The following PTPN3 variants were observed in gnomAD, a reference collection of about 807,000 sequenced individuals.
The protein encoded by PTPN3 is protein tyrosine phosphatase non-receptor type 3.
PTPN3 carries 96 observed loss-of-function variants against 132.7 expected under a neutral mutation model. The observed-to-expected ratio is 0.72, with a 90% CI of 0.61 to 0.86. PTPN3 has a LOEUF of 0.86. Among genes scored for constraint, PTPN3 ranks in the 40% least tolerant of loss-of-function variants. PTPN3 has a pLI of 0.00. For missense variants in PTPN3, 1,125 were observed against 1,159.6 expected, an observed-to-expected ratio of 0.97 and a Z score of 0.43; for synonymous variants, 398 against 429.0, an observed-to-expected ratio of 0.93 and a Z score of 0.89.
the PTPN3 span, among the ~76,000 whole-genome samples, chr9:109,508,282 T>C: frequency 6.6e-6 from 1 of 151,916 alleles, no homozygotes; most frequent in African/African-American, 2.4e-5. Context: ...TGCCTCAGCG[T>C]CCCAAGTAGC....
At chr9:109,384,472 C>T (rs960760038) in intron 22 of PTPN3, among the ~76,000 whole-genome samples, 3 of 152,202 alleles carry the variant, frequency 2.0e-5, no homozygotes, top group Non-Finnish European at 4.4e-5. Flanking sequence ...CTATGGCACC[C>T]CAGTGTCTCT....
At chr9:109,529,449 G>GA in the PTPN3 span, among the ~76,000 whole-genome samples, 2 of 152,090 alleles carry the variant, frequency 1.3e-5, no homozygotes, top group Non-Finnish European at 2.9e-5. Flanking sequence ...TAATTTCCTG[G>GA]AAAATCACTC....
chr9:109,386,623 G>A (rs954756654), intron 22 of PTPN3, among the ~76,000 whole-genome samples: 4 of 152,154 alleles, frequency 2.6e-5, no homozygotes, highest in Admixed American at 6.5e-5. Context: ...GCAAGGCAAG[G>A]ATGGATCATT....
chr9:109,400,624 G>T (rs1841009663), intron 19 of PTPN3, among the ~76,000 whole-genome samples: 2 of 152,236 alleles, frequency 1.3e-5, no homozygotes, highest in African/African-American at 4.8e-5. Context: ...ACCACCCCTT[G>T]AGTTGGCCAG....
At chr9:109,394,916 G>A (rs1378717470) in intron 19 of PTPN3, among the ~76,000 whole-genome samples, 1 of 152,062 alleles carries the variant, frequency 6.6e-6, no homozygotes, top group Non-Finnish European at 1.5e-5. Flanking sequence ...GAGGCGGGCA[G>A]ATCACGAGGT....
intron 1 of PTPN3, among the ~76,000 whole-genome samples, chr9:109,478,262 T>C (rs1386168047): frequency 6.6e-6 from 1 of 152,214 alleles, no homozygotes; most frequent in Non-Finnish European, 1.5e-5. Context: ...ACAATTTTGT[T>C]TGTGTTTTTT....
intron 1 of PTPN3, among the ~76,000 whole-genome samples, chr9:109,473,182 T>C (rs537540622): frequency 9.2e-5 from 14 of 152,336 alleles, no homozygotes; most frequent in African/African-American, 3.1e-4. Flanking sequence ...TCGAATCATC[T>C]TGCAGTTGTC....
intron 8 of PTPN3, among the ~76,000 whole-genome samples, chr9:109,437,710 C>T (rs879832122): frequency 6.6e-6 from 1 of 152,184 alleles, no homozygotes; most frequent in Non-Finnish European, 1.5e-5. Flanking sequence ...GGAGACTGGT[C>T]AGCACTGTAC....
Position 109,454,368 on chromosome 9 carries a change from G to C in PTPN3, c.368+128C>G. On this transcript the variant is annotated intron_variant, in intron 5 of 25. Coordinates refer to ENST00000374541, the MANE Select transcript of PTPN3 (RefSeq NM_002829.4). ...TATGTGCACCCCAGATTTTTACTTG[G>C]ATCATCATTGTTGGTGTAGTTACAC... The C allele has an allele frequency of 1.1e-5, 9 of 797,326 alleles. No homozygotes were observed. The South Asian group carries it at 1.5e-4, about 14-fold the overall frequency. The allele number at this position is 797,326 out of a possible 1,614,324, so 49.4% of individuals were successfully genotyped here. A position where few individuals can be genotyped will look rare whatever the true frequency, so the allele number is the denominator to read the frequency against.
chr9:109,422,595 A>G, intron 13 of PTPN3, 123 bp downstream of exon 13: 1 of 1,177,712 alleles, frequency 8.5e-7, no homozygotes, highest in Non-Finnish European at 1.2e-6. Context: ...ACTTCTGCCA[A>G]GAGCCTAAAA....
chr9:109,437,042 T>A, intron 8 of PTPN3, 72 bp from the exon 9 acceptor site: 1 of 1,594,850 alleles, frequency 6.3e-7, no homozygotes, highest in East Asian at 2.2e-5. Context: ...TTAAAAAATC[T>A]AGAACATTTG....
chr9:109,458,345 A>C (rs1333183491), intron 2 of PTPN3, among the ~76,000 whole-genome samples: 3 of 152,260 alleles, frequency 2.0e-5, no homozygotes, highest in Non-Finnish European at 4.4e-5. Flanking sequence ...ACAAAGGCCC[A>C]GGGATGGCAA....
At chr9:109,491,983 C>A (rs1847482888) in intron 1 of PTPN3, among the ~76,000 whole-genome samples, 1 of 152,220 alleles carries the variant, frequency 6.6e-6, no homozygotes, top group Admixed American at 6.5e-5. Context: ...ATGTGCAGAT[C>A]ATGGCAGTGC....
the PTPN3 span, among the ~76,000 whole-genome samples, chr9:109,515,791 T>C: frequency 6.6e-6 from 1 of 152,218 alleles, no homozygotes; most frequent in African/African-American, 2.4e-5. Flanking sequence ...GGTGAACCAA[T>C]AGAGTGAAAA....
chr9:109,389,456 A>G, intron 21 of PTPN3, 77 bp from the exon 22 acceptor site: 1 of 1,419,900 alleles, frequency 7.0e-7, no homozygotes, highest in Non-Finnish European at 9.5e-7. Context: ...AAACTATTCT[A>G]CTTGCTAATT....
chr9:109,445,919 A>G (rs1844822399), intron 6 of PTPN3, among the ~76,000 whole-genome samples: 1 of 152,200 alleles, frequency 6.6e-6, no homozygotes, highest in Non-Finnish European at 1.5e-5. Context: ...GCCATTCACT[A>G]GTAATCATGG....
intron 4 of PTPN3, among the ~76,000 whole-genome samples, chr9:109,454,858 T>C (rs1273407472): frequency 6.6e-6 from 1 of 152,260 alleles, no homozygotes; most frequent in African/African-American, 2.4e-5. Context: ...CCGTCATCTG[T>C]ATTAGGAATT....
chr9:109,445,952 T>C (rs553738151), intron 6 of PTPN3, among the ~76,000 whole-genome samples: 1 of 152,332 alleles, frequency 6.6e-6, no homozygotes, highest in Admixed American at 6.5e-5. Context: ...CTTGTTCTCC[T>C]TTCCTCTTAA....
intron 14 of PTPN3, chr9:109,417,582 T>G: frequency 1.0e-6 from 1 of 984,746 alleles, no homozygotes; most frequent in East Asian, 1.1e-4. Flanking sequence ...CAGTCTGTAC[T>G]TCTTACCTGG....
Sources: gnomAD v4.1 joint callset for allele counts (sites outside exome capture counted in the v4.1 genomes callset) on GRCh38, gnomAD v4.1.1 for gene constraint, MANE v1.5 for transcripts, NCBI Gene and HGNC (gene_info 2026-07-23, HGNC 2026-07-21) for gene names.